Variants in ZNF76 observed in about 807,000 individuals in gnomAD.
ZNF76 encodes zinc finger protein 76.
In ZNF76, 66 loss-of-function variants were observed where a neutral mutation model predicts 66.9. The ratio of observed to expected loss-of-function variants is 0.99; its 90% CI spans 0.81 to 1.21. The LOEUF is 1.21. ZNF76 is among the 50% of genes most tolerant of loss of function. The pLI is 0.00. For synonymous variants in ZNF76, 275 were observed against 296.1 expected (o/e 0.93, Z 0.73); for missense variants, 729 against 760.3 (o/e 0.96, Z 0.48).
intron 1 of ZNF76, among the ~76,000 whole-genome samples, chr6:35,273,334 G>A (rs1014170691): frequency 6.6e-6 from 1 of 150,384 alleles, no homozygotes; most frequent in Non-Finnish European, 1.5e-5. Flanking sequence ...CACCACACCT[G>A]GCTAATTTTC....
chr6:35,285,851 G>C (rs1267237389), intron 2 of ZNF76, among the ~76,000 whole-genome samples: 1 of 152,192 alleles, frequency 6.6e-6, no homozygotes, highest in Non-Finnish European at 1.5e-5. Flanking sequence ...ACTTGGCTGG[G>C]CATGGGTAGA....
At chr6:35,280,889 A>C (rs747959025) in intron 1 of ZNF76, among the ~76,000 whole-genome samples, 167 bp from the exon 2 acceptor site, 6 of 152,166 alleles carry the variant, frequency 3.9e-5, no homozygotes, top group Non-Finnish European at 7.4e-5. Context: ...GAATTCTTAG[A>C]TAATGTGTAT....
At chr6:35,262,364 TCCTA>T (rs1318516357) in intron 1 of ZNF76, among the ~76,000 whole-genome samples, 4 of 152,196 alleles carry the variant, frequency 2.6e-5, no homozygotes, top group African/African-American at 9.7e-5. Context: ...AGAGTGACCT[TCCTA>T]CTGCCATTTT....
At chr6:35,283,957 A>T (rs1347503342) in intron 2 of ZNF76, among the ~76,000 whole-genome samples, 2 of 152,178 alleles carry the variant, frequency 1.3e-5, no homozygotes, top group African/African-American at 4.8e-5. Flanking sequence ...AAGTTTGGGG[A>T]TTCCTCTAAA....
intron 12 of ZNF76, chr6:35,294,126 A>G (rs777835564): frequency 2.9e-5 from 18 of 624,392 alleles, no homozygotes; most frequent in African/African-American, 5.5e-5. Context: ...CTAAATCTCA[A>G]TTCAACCCTG....
intron 1 of ZNF76, among the ~76,000 whole-genome samples, chr6:35,275,787 G>C (rs1233044979): frequency 6.6e-6 from 1 of 152,188 alleles, no homozygotes; most frequent in African/African-American, 2.4e-5. Flanking sequence ...TTGAGTCTAA[G>C]AAGGGTTATT....
chr6:35,266,993 G>A (rs937028634), intron 1 of ZNF76, among the ~76,000 whole-genome samples: 2 of 151,818 alleles, frequency 1.3e-5, no homozygotes, highest in South Asian at 2.1e-4. Flanking sequence ...TAGAGACGGG[G>A]TTTCACCGTG....
upstream of ZNF76, chr6:35,259,652 G>A (rs1784879408): frequency 6.6e-6 from 1 of 151,472 alleles, no homozygotes; most frequent in Non-Finnish European, 1.5e-5. Context: ...TTTTCTATAC[G>A]GGTTCCGGGG....
chr6:35,260,266 C>A (rs1785030422), intron 1 of ZNF76, among the ~76,000 whole-genome samples: 1 of 151,944 alleles, frequency 6.6e-6, no homozygotes, highest in South Asian at 2.1e-4. Flanking sequence ...TCCTTAGTGA[C>A]CCCCAAACCT....
At position 35,289,416 on chromosome 6, in the gene ZNF76, C is replaced by T. The variant is rs552979468; in HGVS notation, c.433-850C>T. Among the ~76,000 whole-genome samples the T allele has an allele frequency of 1.8e-3, 277 of 152,282 alleles. 2 individuals are homozygous for T. The highest frequency in any genetic ancestry group is 3.0e-3 in the Non-Finnish European group (201 of 68,022). ...CTGGAGCCTAACTAGACAGACCTTG[C>T]CATGAATTTGGCCTCACCCCTCTGT... is the stretch of plus-strand genomic sequence containing the variant. On this transcript the variant is annotated intron_variant, in intron 5 of 13. Coordinates refer to ENST00000373953, the MANE Select transcript of ZNF76 (RefSeq NM_003427.5).
Position 35,273,735 on chromosome 6 carries a change from A to AG in ZNF76, c.-96-7321_-96-7320insG, listed in dbSNP as rs1392047947. Among the ~76,000 whole-genome samples, 74 of 150,986 alleles carry AG rather than the reference A, an allele frequency of 4.9e-4. 1 individual carries two copies. Among genetic ancestry groups the AG allele is most frequent in the African/African-American group, 1.7e-3 (70 of 41,154 alleles). On this transcript the variant is annotated intron_variant, in intron 1 of 13. Coordinates refer to ENST00000373953, the MANE Select transcript of ZNF76 (RefSeq NM_003427.5). ...GACTCCATCTCACAAAAAAAAAAAA[A>AG]AAAGAAATGGGGGTCTCACTATGTT...
intron 1 of ZNF76, 43 bp from the exon 2 acceptor site, chr6:35,281,013 G>C (rs538630278): frequency 7.2e-5 from 59 of 822,636 alleles, no homozygotes; most frequent in Admixed American, 1.1e-4. Context: ...TGCGATAGGA[G>C]AAAGCTGGTT....
rs770034721 is a variant in ZNF76, at chr6:35,294,569, G to A, written c.1608G>A (p.Gln536=). ...ATANGTHIAV[Q]LEEQQTLEEA... The stretch of plus-strand genomic sequence containing the variant: ...CCAACGGAACGCACATTGCAGTGCA[G>A]GTGAGTAGAGATCTGGGAGGAAAGG... Residue 536 remains glutamine (Q), a splice_region_variant and synonymous_variant, in exon 13 of 14, where the codon CAG becomes CAA. Transcript: ENST00000373953. 2.0e-5 allele frequency: 32 copies of A among 1,606,602 alleles called. No homozygotes were observed. In the Admixed American group the frequency reaches 4.3e-4, roughly 22 times the overall value.
chr6:35,294,946 GC>G, intron 13 of ZNF76, 197 bp from the exon 14 acceptor site: 3 of 592,454 alleles, frequency 5.1e-6, no homozygotes, highest in East Asian at 2.8e-5. Flanking sequence ...CTATTCCAGG[GC>G]CCCCTGGCCA....
rs1381272107 is a variant in ZNF76, at chr6:35,281,201, C to T, written c.50C>T (p.Ala17Val). ...HTVTLSDGTT[A>V]YVQQAVKGEK... Reference sequence around the variant, plus strand: ...GTGACCCTTAGTGATGGGACAACAGCCTACGTCCAGCAAGCTGTCAAAGGT... The same window carrying T: ...GTGACCCTTAGTGATGGGACAACAGTCTACGTCCAGCAAGCTGTCAAAGGT... The change falls in exon 2 of 14, where the codon GCC becomes GTC. Residue 17 changes from alanine (A) to valine (V), a missense_variant. By Grantham distance (64) the Ala-to-Val change is moderately conservative (BLOSUM62 0). Transcript: ENST00000373953. The T allele has an allele frequency of 1.9e-6, 3 of 1,613,886 alleles. No individual in the cohort carries two copies. The highest frequency in any genetic ancestry group is 1.7e-4 in the Middle Eastern group (1 of 5,846).
intron 2 of ZNF76, among the ~76,000 whole-genome samples, chr6:35,283,700 T>C (rs778668899): frequency 6.6e-6 from 1 of 152,214 alleles, no homozygotes; most frequent in Non-Finnish European, 1.5e-5. Context: ...CTTGAAGCAG[T>C]ACCCACTCTG....
chr6:35,281,860 C>T (rs891524159), intron 2 of ZNF76, among the ~76,000 whole-genome samples: 6 of 151,418 alleles, frequency 4.0e-5, no homozygotes, highest in East Asian at 3.9e-4. Flanking sequence ...CACTGAAACC[C>T]AGGAGTTTGA....
chr6:35,267,668 C>T (rs1786356601), intron 1 of ZNF76, among the ~76,000 whole-genome samples: 1 of 152,190 alleles, frequency 6.6e-6, no homozygotes, highest in Admixed American at 6.5e-5. Context: ...CCTCAGGGAG[C>T]ACCGCAGACA....
At chr6:35,291,179 T>G in intron 7 of ZNF76, 99 bp from the exon 8 acceptor site, 17 of 1,489,292 alleles carry the variant, frequency 1.1e-5, no homozygotes, top group Non-Finnish European at 1.4e-5. Flanking sequence ...ATGGGCTTCT[T>G]GAGCCAAAGG....
Sources: allele counts gnomAD v4.1 joint callset (sites outside exome capture counted in the v4.1 genomes callset), GRCh38; gene constraint gnomAD v4.1.1; transcripts MANE v1.5; gene names NCBI Gene and HGNC (gene_info 2026-07-23, HGNC 2026-07-21).